The following MYO3B variants were observed in gnomAD, a reference collection of about 807,000 sequenced individuals.
The protein encoded by MYO3B is myosin IIIB.
MYO3B carries 156 observed loss-of-function variants against 174.6 expected under a neutral mutation model. The ratio of observed to expected loss-of-function variants is 0.89; its 90% CI spans 0.78 to 1.02. MYO3B has a LOEUF of 1.02. MYO3B is among the 50% of genes least tolerant of loss of function. MYO3B has a pLI of 0.00. For missense variants in MYO3B, 1,632 were observed against 1,639.4 expected (o/e 1.00, Z 0.08); for synonymous variants, 563 against 569.1 (o/e 0.99, Z 0.15).
chr2:170,358,670 G>A (rs78810723), intron 8 of MYO3B, among the ~76,000 whole-genome samples: 13,098 of 152,154 alleles, frequency 0.086, 597 homozygotes, highest in Middle Eastern at 0.13. Context: ...TGATTTTCTT[G>A]CATTTAAAAT....
chr2:170,378,464 G>A (rs2094310497), intron 9 of MYO3B, among the ~76,000 whole-genome samples: 1 of 152,190 alleles, frequency 6.6e-6, no homozygotes. Flanking sequence ...TGTAAGCATG[G>A]AAAGAGGCCA....
At chr2:170,649,161 A>G (rs1415549908) in intron 32 of MYO3B, among the ~76,000 whole-genome samples, 1 of 60,348 alleles carries the variant, frequency 1.7e-5, no homozygotes, top group Admixed American at 2.9e-4. Context: ...TATATAAAAT[A>G]ATATATAATA....
At chr2:170,465,477 G>A (rs1684565224) in intron 24 of MYO3B, among the ~76,000 whole-genome samples, 1 of 152,040 alleles carries the variant, frequency 6.6e-6, no homozygotes. Context: ...CCTCCCACTG[G>A]GCCCATTTCC....
intron 1 of MYO3B, among the ~76,000 whole-genome samples, chr2:170,184,641 A>G (rs2092441417): frequency 6.6e-6 from 1 of 152,208 alleles, no homozygotes; most frequent in Non-Finnish European, 1.5e-5. Flanking sequence ...TAGTGCTACA[A>G]TAAACATGGG....
At chr2:170,627,266 C>G (rs1265875573) in intron 32 of MYO3B, among the ~76,000 whole-genome samples, 2 of 152,010 alleles carry the variant, frequency 1.3e-5, no homozygotes, top group Non-Finnish European at 2.9e-5. Flanking sequence ...ATTCTTTTTT[C>G]TCTAAACTTC....
intron 6 of MYO3B, among the ~76,000 whole-genome samples, chr2:170,227,840 C>T (rs1039939667): frequency 1.3e-5 from 2 of 152,144 alleles, no homozygotes; most frequent in Admixed American, 1.3e-4. Context: ...TGATTGGGTG[C>T]TCTCCTTCAG....
At position 170,636,666 on chromosome 2, in the gene MYO3B, G is replaced by A. The variant is rs529620777; in HGVS notation, c.3734-14962G>A. On this transcript the variant is annotated intron_variant, in intron 32 of 34. Transcript: ENST00000408978. ...CCCACCCTTCCAGAGCTGGTGGCGC[G>A]TTTCCCGGTGCCATCATGGATGTCC... Among the ~76,000 whole-genome samples the A allele has an allele frequency of 4.7e-4, 72 of 152,182 alleles. No homozygotes were observed. The South Asian group carries it at 9.6e-3, about 20-fold the overall frequency.
chr2:170,381,047 A>C (rs6752929), intron 9 of MYO3B, among the ~76,000 whole-genome samples: 3 of 152,012 alleles, frequency 2.0e-5, no homozygotes, highest in African/African-American at 7.3e-5. Context: ...CTTGAGCCCA[A>C]GAGTTTGAGG....
At chr2:170,400,829 G>GGTTTTTTTTTTTTTTTTTTT (rs60401794) in intron 17 of MYO3B, among the ~76,000 whole-genome samples, 1 of 150,894 alleles carries the variant, frequency 6.6e-6, no homozygotes, top group African/African-American at 2.4e-5. Flanking sequence ...TTTGAGCAGT[G>GGTTTTTTTTTTTTTTTTTTT]TTTTTTTCTT....
chr2:170,460,705 C>T (rs1024925451), intron 23 of MYO3B, among the ~76,000 whole-genome samples: 8 of 152,154 alleles, frequency 5.3e-5, no homozygotes, highest in Non-Finnish European at 7.3e-5. Flanking sequence ...AGACAGGGCC[C>T]GTCACTAGCT....
At chr2:170,442,087 C>A (rs1030980383) in intron 22 of MYO3B, among the ~76,000 whole-genome samples, 1 of 151,894 alleles carries the variant, frequency 6.6e-6, no homozygotes, top group Non-Finnish European at 1.5e-5. Context: ...GTGGTAATTT[C>A]CTTTTATTTC....
intron 32 of MYO3B, among the ~76,000 whole-genome samples, chr2:170,595,034 A>G (rs1694057255): frequency 6.6e-6 from 1 of 152,190 alleles, no homozygotes; most frequent in South Asian, 2.1e-4. Flanking sequence ...GGAGAGGGAC[A>G]TAGACATGGG....
intron 25 of MYO3B, among the ~76,000 whole-genome samples, chr2:170,478,412 G>C (rs1685446101): frequency 1.3e-5 from 2 of 151,970 alleles, no homozygotes; most frequent in Non-Finnish European, 2.9e-5. Flanking sequence ...CTTACTCCTT[G>C]CTACCTCATT....
intron 7 of MYO3B, among the ~76,000 whole-genome samples, chr2:170,271,657 G>T (rs1361645614): frequency 6.6e-6 from 1 of 152,158 alleles, no homozygotes; most frequent in Non-Finnish European, 1.5e-5. Flanking sequence ...GAACTCTGAA[G>T]CTCCTCAAAC....
chr2:170,352,851 A>G (rs190822557), intron 8 of MYO3B, among the ~76,000 whole-genome samples: 30 of 152,320 alleles, frequency 2.0e-4, no homozygotes, highest in African/African-American at 7.2e-4. Context: ...AGATTCAACA[A>G]TGAGATACCA....
At chr2:170,445,916 G>A (rs1382037560) in intron 23 of MYO3B, among the ~76,000 whole-genome samples, 1 of 152,138 alleles carries the variant, frequency 6.6e-6, no homozygotes, top group Non-Finnish European at 1.5e-5. Context: ...GGGTTTGCAG[G>A]TGTGAGCCAC....
At chr2:170,344,571 GA>G (rs1445801955) in intron 8 of MYO3B, 1 of 152,118 alleles carries the variant, frequency 6.6e-6, no homozygotes, top group Non-Finnish European at 1.5e-5. Flanking sequence ...AGCTGCAAAG[GA>G]AGCTAAGAAA....
chr2:170,576,038 A>C (rs1173207115), intron 32 of MYO3B, among the ~76,000 whole-genome samples: 1 of 152,234 alleles, frequency 6.6e-6, no homozygotes, highest in African/African-American at 2.4e-5. Flanking sequence ...AGTCCCAGCT[A>C]GCCAAAGTCC....
At chr2:170,400,974 G>A in intron 17 of MYO3B, among the ~76,000 whole-genome samples, 1 of 152,044 alleles carries the variant, frequency 6.6e-6, no homozygotes, top group East Asian at 1.9e-4. Flanking sequence ...AGATACAGGA[G>A]GTTGGGCCCA....
Sources: allele counts gnomAD v4.1 joint callset (sites outside exome capture counted in the v4.1 genomes callset), GRCh38; gene constraint gnomAD v4.1.1; transcripts MANE v1.5; gene names NCBI Gene and HGNC (gene_info 2026-07-23, HGNC 2026-07-21).